The following ANOS1 variants were observed in gnomAD, a reference collection of about 807,000 sequenced individuals.
The protein encoded by ANOS1 is anosmin 1.
Under a neutral mutation model 59.0 loss-of-function variants are expected in ANOS1, and 6 were observed. The observed-to-expected ratio is 0.10, with a 90% CI of 0.06 to 0.20. The LOEUF (loss-of-function observed/expected upper bound fraction) is 0.20. ANOS1 is among the 10% of genes least tolerant of loss of function. The probability of loss-of-function intolerance (pLI) is 1.00; values close to 1 mark genes in which losing one functional copy is unlikely to be tolerated. For missense variants in ANOS1, 433 were observed against 542.3 expected (o/e 0.80, Z 2.00); for synonymous variants, 217 against 223.4 (o/e 0.97, Z 0.25).
At chrX:8,685,990 C>T (rs1932516799) in intron 2 of ANOS1, among the ~76,000 whole-genome samples, 1 of 112,072 alleles carries the variant, frequency 8.9e-6, no homozygotes, top group Non-Finnish European at 1.9e-5. Context: ...TCCACTACCA[C>T]ATTTCCCATC....
intron 13 of ANOS1, among the ~76,000 whole-genome samples, chrX:8,533,572 C>T (rs1929535247): frequency 9.0e-6 from 1 of 111,604 alleles, no homozygotes; most frequent in African/African-American, 3.3e-5. Context: ...ATGTTTTGTC[C>T]ACACACTAGT....
intron 9 of ANOS1, among the ~76,000 whole-genome samples, chrX:8,552,367 G>A: frequency 8.9e-6 from 1 of 112,240 alleles, no homozygotes; most frequent in East Asian, 2.8e-4. Context: ...AACAACATGT[G>A]TTCGTGGGGC....
At chrX:8,694,391 G>A (rs1275977623) in intron 2 of ANOS1, among the ~76,000 whole-genome samples, 2 of 112,662 alleles carry the variant, frequency 1.8e-5, no homozygotes, top group East Asian at 2.8e-4. Flanking sequence ...GTAATAGGTC[G>A]GGCATGGTGG....
chrX:8,629,935 A>G (rs1242821995), intron 2 of ANOS1, among the ~76,000 whole-genome samples: 3 of 112,563 alleles, frequency 2.7e-5, no homozygotes, highest in African/African-American at 9.7e-5. Context: ...ATAGATTTCA[A>G]TCTGTTCGAA....
At chrX:8,682,344 G>A (rs1371505101) in intron 2 of ANOS1, among the ~76,000 whole-genome samples, 4 of 99,265 alleles carry the variant, frequency 4.0e-5, no homozygotes, top group African/African-American at 9.0e-5. Flanking sequence ...TTCGGAAAAC[G>A]AGAATTTCAC....
At chrX:8,626,614 C>T (rs1013520166) in intron 2 of ANOS1, among the ~76,000 whole-genome samples, 7 of 111,183 alleles carry the variant, frequency 6.3e-5, no homozygotes, top group African/African-American at 2.3e-4. Context: ...AATCCCAGCA[C>T]TTTGGAAGGC....
At chrX:8,589,210 A>G (rs956763300) in intron 4 of ANOS1, among the ~76,000 whole-genome samples, 14 of 112,297 alleles carry the variant, frequency 1.2e-4, no homozygotes, top group African/African-American at 4.5e-4. Context: ...ATATTTATAT[A>G]TGGTCAAAAG....
At chrX:8,557,714 T>G (rs1929970765) in intron 8 of ANOS1, among the ~76,000 whole-genome samples, 1 of 111,988 alleles carries the variant, frequency 8.9e-6, no homozygotes, top group Non-Finnish European at 1.9e-5. Context: ...GGAAGGCTTT[T>G]GCACTGTTGG....
intron 2 of ANOS1, among the ~76,000 whole-genome samples, chrX:8,636,931 G>C (rs1420396277): frequency 8.9e-6 from 1 of 112,306 alleles, no homozygotes; most frequent in Non-Finnish European, 1.9e-5. Context: ...CACCATGGTG[G>C]AGAATGTATG....
intron 3 of ANOS1, among the ~76,000 whole-genome samples, chrX:8,600,235 A>G (rs1930818050): frequency 8.9e-6 from 1 of 112,327 alleles, no homozygotes; most frequent in Admixed American, 9.5e-5. Flanking sequence ...TGTGTGCAGC[A>G]CCAAATTGTT....
chrX:8,607,021 A>G (rs960546750), intron 3 of ANOS1, among the ~76,000 whole-genome samples: 1 of 111,992 alleles, frequency 8.9e-6, no homozygotes, highest in South Asian at 3.7e-4. Flanking sequence ...TGGACAACTG[A>G]GGCAGGAGAA....
chrX:8,662,389 G>A (rs1455098428), intron 2 of ANOS1, among the ~76,000 whole-genome samples: 1 of 111,589 alleles, frequency 9.0e-6, no homozygotes, highest in South Asian at 3.8e-4. Context: ...AACACCACAG[G>A]TCCTGGTTTT....
At chrX:8,552,342 G>A (rs1200494705) in intron 9 of ANOS1, among the ~76,000 whole-genome samples, 1 of 112,061 alleles carries the variant, frequency 8.9e-6, no homozygotes, top group African/African-American at 3.2e-5. Flanking sequence ...CACCTCTATG[G>A]AAGAATATGC....
intron 3 of ANOS1, among the ~76,000 whole-genome samples, chrX:8,619,360 C>CT (rs1289710992): frequency 9.0e-6 from 1 of 111,599 alleles, no homozygotes; most frequent in Non-Finnish European, 1.9e-5. Flanking sequence ...AATCCCAGCA[C>CT]TTTGGGAGGC....
chrX:8,718,335 T>C (rs769609240), intron 1 of ANOS1, among the ~76,000 whole-genome samples: 2 of 110,798 alleles, frequency 1.8e-5, no homozygotes, highest in African/African-American at 3.3e-5. Flanking sequence ...GCACTGGGAA[T>C]ACAGGCGTGA....
At chrX:8,599,470 C>T (rs1930802280) in intron 3 of ANOS1, among the ~76,000 whole-genome samples, 2 of 111,317 alleles carry the variant, frequency 1.8e-5, no homozygotes, top group Non-Finnish European at 3.8e-5. Flanking sequence ...CTGGACGATA[C>T]CTGGGAACAC....
intron 9 of ANOS1, among the ~76,000 whole-genome samples, chrX:8,552,311 T>C (rs1929869960): frequency 8.9e-6 from 1 of 112,144 alleles, no homozygotes. Context: ...AAGCTTGACA[T>C]ACTCTACGGC....
intron 8 of ANOS1, among the ~76,000 whole-genome samples, chrX:8,567,209 G>C (rs1930130777): frequency 1.8e-5 from 2 of 111,909 alleles, no homozygotes; most frequent in Admixed American, 1.9e-4. Context: ...GTTTTGCTCA[G>C]TTCCCAGCAA....
intron 1 of ANOS1, among the ~76,000 whole-genome samples, chrX:8,703,740 G>T (rs1405333183): frequency 2.7e-5 from 3 of 111,948 alleles, no homozygotes; most frequent in Non-Finnish European, 3.8e-5. Context: ...GATGGATGGG[G>T]TGGAGCAGAG....
Sources: allele counts gnomAD v4.1 joint callset (sites outside exome capture counted in the v4.1 genomes callset), GRCh38; gene constraint gnomAD v4.1.1; transcripts MANE v1.5; gene names NCBI Gene and HGNC (gene_info 2026-07-23, HGNC 2026-07-21).